NT5DC3: variants seen among roughly 807,000 people sequenced by gnomAD.
The protein encoded by NT5DC3 is 5'-nucleotidase domain containing 3, also known as 5'-nucleotidase domain-containing protein 3.
Under a neutral mutation model 67.8 loss-of-function variants are expected in NT5DC3, and 42 were observed. The observed-to-expected ratio is 0.62, with a 90% CI of 0.48 to 0.80. The LOEUF (loss-of-function observed/expected upper bound fraction) is 0.80. Among genes scored for constraint, NT5DC3 ranks in the 30% least tolerant of loss-of-function variants. The pLI, the probability that NT5DC3 is intolerant of heterozygous loss-of-function variation, is 0.00. For synonymous variants in NT5DC3, 237 were observed against 255.6 expected (o/e 0.93, Z 0.69); for missense variants, 570 against 696.4 (o/e 0.82, Z 2.04).
intron 6 of NT5DC3, among the ~76,000 whole-genome samples, chr12:103,795,005 G>C (rs1208694491): frequency 6.6e-6 from 1 of 152,222 alleles, no homozygotes; most frequent in African/African-American, 2.4e-5. Flanking sequence ...CAGGGCTGCA[G>C]GCAAAATTGT....
chr12:103,747,749 C>A, the NT5DC3 span, among the ~76,000 whole-genome samples: 1,424 of 152,246 alleles, frequency 9.4e-3, 21 homozygotes, highest in African/African-American at 0.033. Flanking sequence ...AATTCTAGCA[C>A]TTTGGGAGGC....
At chr12:103,793,839 C>T in intron 7 of NT5DC3, 98 bp downstream of exon 7, 2 of 960,014 alleles carry the variant, frequency 2.1e-6, no homozygotes, top group Admixed American at 3.5e-5. Flanking sequence ...ACTCATGCAG[C>T]CTCTGCTTAG....
rs1423434924 is a variant in NT5DC3 at position 103,772,747 on chromosome 12, C to A, written c.*5082G>T. ...GGTTTCCCAAGTTGGGGTGAGGAGG[C>A]CAGCCCTTTGTACCCCATATGGAGC... On this transcript the variant is annotated 3_prime_UTR_variant, in exon 14 of 14. Transcript: ENST00000392876. 6.6e-6 allele frequency: 1 copy of A among 152,272 alleles called. No individual in the cohort carries two copies. The allele number at this position is 152,272 out of a possible 1,614,324, so 9.4% of individuals were successfully genotyped here.
chr12:103,747,331 A>T, the NT5DC3 span, among the ~76,000 whole-genome samples: 1 of 152,188 alleles, frequency 6.6e-6, no homozygotes, highest in African/African-American at 2.4e-5. Flanking sequence ...AATAAGGCAG[A>T]TGTTTCCTAT....
chr12:103,825,018 A>T (rs1356259116), intron 1 of NT5DC3, among the ~76,000 whole-genome samples: 1 of 152,236 alleles, frequency 6.6e-6, no homozygotes, highest in Non-Finnish European at 1.5e-5. Context: ...GCAGTGGGGA[A>T]GACCAACAAA....
chr12:103,771,714 C>G (rs1885186588), downstream of NT5DC3, among the ~76,000 whole-genome samples: 1 of 152,214 alleles, frequency 6.6e-6, no homozygotes, highest in Non-Finnish European at 1.5e-5. Flanking sequence ...GCTGCCTTCA[C>G]TGCCCAAATA....
intron 1 of NT5DC3, among the ~76,000 whole-genome samples, chr12:103,822,740 A>C (rs572482798): frequency 6.6e-6 from 1 of 152,368 alleles, no homozygotes; most frequent in South Asian, 2.1e-4. Flanking sequence ...AATCAGAACA[A>C]GCTTTCTAGA....
chr12:103,802,117 TC>T (rs1269444289), intron 4 of NT5DC3: 1 of 152,520 alleles, frequency 6.6e-6, no homozygotes, highest in East Asian at 1.9e-4. Flanking sequence ...ACAGTGAACT[TC>T]CCTACAGCCT....
At chr12:103,825,332 C>G (rs1258299661) in intron 1 of NT5DC3, among the ~76,000 whole-genome samples, 1 of 152,150 alleles carries the variant, frequency 6.6e-6, no homozygotes, top group Non-Finnish European at 1.5e-5. Flanking sequence ...ATCCATCACA[C>G]TTCTTGAAGT....
rs1019301942 is a variant in NT5DC3, at chr12:103,799,368, G to A, written c.525-691C>T. On this transcript the variant is annotated intron_variant, in intron 4 of 13. Transcript: ENST00000392876. ...CCTGGTGGGAGAACACTGAATCACCGGAGCTGTTTCCCCCATGCTATTCTC... is the reference window on the plus strand; with the variant it reads ...CCTGGTGGGAGAACACTGAATCACCAGAGCTGTTTCCCCCATGCTATTCTC... Among the ~76,000 whole-genome samples the A allele has an allele frequency of 7.2e-5, 11 of 152,060 alleles. No homozygotes were observed. In the East Asian group the frequency reaches 7.7e-4, roughly 11 times the overall value.
At chr12:103,779,477 A>G (rs1885459110) in intron 13 of NT5DC3, among the ~76,000 whole-genome samples, 1 of 152,198 alleles carries the variant, frequency 6.6e-6, no homozygotes, top group Non-Finnish European at 1.5e-5. Context: ...CAGACAGCCA[A>G]CACTCTGAGA....
intron 1 of NT5DC3, among the ~76,000 whole-genome samples, chr12:103,817,939 T>A (rs1463329566): frequency 6.6e-6 from 1 of 152,226 alleles, no homozygotes; most frequent in African/African-American, 2.4e-5. Flanking sequence ...TCCTCTTGCA[T>A]AGTAACAGCT....
the NT5DC3 span, chr12:103,759,180 G>T: frequency 6.2e-7 from 1 of 1,614,196 alleles, no homozygotes; most frequent in South Asian, 1.1e-5. Flanking sequence ...ATGTCAGCAT[G>T]TTTTTCTACA....
downstream of NT5DC3, chr12:103,768,672 T>A (rs1885118227): frequency 1.5e-5 from 2 of 133,068 alleles, no homozygotes; most frequent in South Asian, 5.1e-4. Context: ...AGAGAATACC[T>A]TCTGTAGAAA....
At chr12:103,797,915 T>C (rs1304967020) in intron 5 of NT5DC3, among the ~76,000 whole-genome samples, 1 of 152,196 alleles carries the variant, frequency 6.6e-6, no homozygotes, top group African/African-American at 2.4e-5. Context: ...TCTCAGAACA[T>C]TTATATTAGC....
chr12:103,837,258 T>C (rs1888190555), intron 1 of NT5DC3, among the ~76,000 whole-genome samples: 1 of 152,216 alleles, frequency 6.6e-6, no homozygotes, highest in Admixed American at 6.5e-5. Flanking sequence ...GCATGGGGCC[T>C]GGGCCCAGCC....
rs1886032617 is a variant in NT5DC3, at chr12:103,791,007, G to A, written c.1020-2088C>T. ...CCCGGCCAAGTACATCATTTTTAAT[G>A]ACTGCATAATACCCCCTCACATGGC... On this transcript the variant is annotated intron_variant, in intron 9 of 13. Transcript: ENST00000392876. Among the ~76,000 whole-genome samples, 3 of 152,074 alleles carry A rather than the reference G, an allele frequency of 2.0e-5. No individual in the cohort carries two copies. The South Asian group carries it at 6.2e-4, about 31-fold the overall frequency.
intron 4 of NT5DC3, among the ~76,000 whole-genome samples, chr12:103,800,968 T>C (rs1427229542): frequency 6.6e-6 from 1 of 152,166 alleles, no homozygotes. Flanking sequence ...TTGGTCTATG[T>C]AAGCACTATA....
chr12:103,791,610 T>C (rs1396511576), intron 9 of NT5DC3, among the ~76,000 whole-genome samples: 1 of 152,108 alleles, frequency 6.6e-6, no homozygotes, highest in African/African-American at 2.4e-5. Flanking sequence ...GAACATCCCT[T>C]TCTCTCCTGT....
Sources: gnomAD v4.1 joint callset for allele counts (sites outside exome capture counted in the v4.1 genomes callset) on GRCh38, gnomAD v4.1.1 for gene constraint, MANE v1.5 for transcripts, NCBI Gene and HGNC (gene_info 2026-07-23, HGNC 2026-07-21) for gene names.